Variants in TJP2 observed in about 807,000 individuals in gnomAD.
TJP2 encodes tight junction protein 2, also known as Friedreich ataxia region gene X104 (tight junction protein ZO-2).
In TJP2, 91 loss-of-function variants were observed where a neutral mutation model predicts 133.1. The ratio of observed to expected loss-of-function variants is 0.68; its 90% CI spans 0.58 to 0.81. The LOEUF (loss-of-function observed/expected upper bound fraction) is 0.81, where lower values mean the gene tolerates loss of function less well. TJP2 is among the 40% of genes least tolerant of loss of function. The pLI is 0.00. For synonymous variants in TJP2, 592 were observed against 583.4 expected, an observed-to-expected ratio of 1.01 and a Z score of -0.21; for missense variants, 1,541 against 1,565.6, an observed-to-expected ratio of 0.98 and a Z score of 0.26.
chr9:69,144,042 AC>A (rs1307442422), intron 1 of TJP2, among the ~76,000 whole-genome samples: 2 of 152,160 alleles, frequency 1.3e-5, no homozygotes, highest in Non-Finnish European at 2.9e-5. Flanking sequence ...TCTCTCTGTC[AC>A]CCAGGCTGGA....
intron 1 of TJP2, among the ~76,000 whole-genome samples, chr9:69,178,025 C>T (rs144655020): frequency 8.3e-4 from 126 of 152,182 alleles, no homozygotes; most frequent in African/African-American, 2.9e-3. Context: ...AGTGACGGCT[C>T]CATTCTGTTT....
intron 1 of TJP2, among the ~76,000 whole-genome samples, chr9:69,211,215 T>TA (rs1290268587): frequency 2.0e-5 from 3 of 152,144 alleles, no homozygotes; most frequent in African/African-American, 7.2e-5. Context: ...TGCGCACCTG[T>TA]AATCCTAGCT....
At chr9:69,232,561 C>T (rs575928194) in intron 11 of TJP2, among the ~76,000 whole-genome samples, 1 of 152,180 alleles carries the variant, frequency 6.6e-6, no homozygotes, top group Non-Finnish European at 1.5e-5. Flanking sequence ...TATACACATG[C>T]TAATCACTTT....
chr9:69,241,986 G>A (rs1191093106), intron 17 of TJP2, among the ~76,000 whole-genome samples: 1 of 152,176 alleles, frequency 6.6e-6, no homozygotes, highest in Non-Finnish European at 1.5e-5. Flanking sequence ...TTTCCCCCCT[G>A]CTTTTGTCTG....
intron 17 of TJP2, among the ~76,000 whole-genome samples, chr9:69,246,018 C>T (rs779553980): frequency 6.6e-6 from 1 of 152,088 alleles, no homozygotes; most frequent in Admixed American, 6.5e-5. Flanking sequence ...TACATCTAAA[C>T]GTGCAGGGTT....
chr9:69,224,381 G>A (rs1829158439), intron 5 of TJP2, among the ~76,000 whole-genome samples: 1 of 151,912 alleles, frequency 6.6e-6, no homozygotes, highest in African/African-American at 2.4e-5. Flanking sequence ...CATTTTATTT[G>A]AAAAGTGTTA....
intron 1 of TJP2, among the ~76,000 whole-genome samples, chr9:69,179,976 T>G (rs1825378210): frequency 1.3e-5 from 2 of 152,136 alleles, no homozygotes; most frequent in Non-Finnish European, 2.9e-5. Flanking sequence ...GACTTCAGAA[T>G]TAATTAGTGT....
intron 4 of TJP2, among the ~76,000 whole-genome samples, chr9:69,219,776 C>T (rs374791375): frequency 6.6e-5 from 10 of 152,300 alleles, no homozygotes; most frequent in African/African-American, 2.4e-4. Flanking sequence ...CCAAAGTTCA[C>T]TCATTGCATT....
chr9:69,220,902 C>G lies in TJP2; in HGVS notation c.358C>G (p.Arg120Gly). Residue 120 changes from arginine (R) to glycine (G), a missense_variant, in exon 5 of 23, where the codon CGG becomes GGG. Physicochemically the swap from Arg to Gly is moderately radical, Grantham distance 125. Transcript: ENST00000377245. ...TTGACAACAGGTGGTCAAGAGGCCC[C>G]GGAAGGTCCAGGTGGCCGCACTTCA... ...KVAAIVVKRP[R>G]KVQVAALQAS... The G allele has an allele frequency of 1.9e-6, 3 of 1,612,298 alleles. No homozygotes were observed. Among genetic ancestry groups the G allele is most frequent in the Non-Finnish European group, 2.5e-6 (3 of 1,180,028 alleles).
chr9:69,210,609 C>T (rs953868790), intron 1 of TJP2, among the ~76,000 whole-genome samples: 1 of 151,964 alleles, frequency 6.6e-6, no homozygotes, highest in African/African-American at 2.4e-5. Context: ...TGTTGATGGG[C>T]CTTCATTTAA....
In TJP2 at chr9:69,176,986, C is replaced by T. The variant is rs578253810; in HGVS notation, c.60+2554C>T. Among the ~76,000 whole-genome samples the T allele has an allele frequency of 7.9e-4, 121 of 152,214 alleles. 1 individual carries two copies. The highest frequency in any genetic ancestry group is 2.7e-3 in the African/African-American group (111 of 41,524). ...TGGGTGTGGTGGGGGCGGGGTGAAG[C>T]GGTAGAAGGGTTCGCAATCACTGCT... is the stretch of plus-strand genomic sequence containing the variant. On this transcript the variant is annotated intron_variant, in intron 1 of 22. Coordinates refer to ENST00000377245, the MANE Select transcript of TJP2 (RefSeq NM_004817.4).
intron 2 of TJP2, among the ~76,000 whole-genome samples, chr9:69,158,676 C>T (rs1823899937): frequency 6.6e-6 from 1 of 152,146 alleles, no homozygotes; most frequent in African/African-American, 2.4e-5. Flanking sequence ...CAGCCTCCAT[C>T]CCCTGGCCTC....
chr9:69,246,482 C>G (rs1428223280), intron 17 of TJP2: 1 of 584,494 alleles, frequency 1.7e-6, no homozygotes, highest in Non-Finnish European at 3.1e-6. Flanking sequence ...ATCACATCCA[C>G]CTATAATGTG....
chr9:69,151,996 G>T (rs1201403889), intron 2 of TJP2, among the ~76,000 whole-genome samples: 3 of 152,198 alleles, frequency 2.0e-5, no homozygotes, highest in East Asian at 1.9e-4. Flanking sequence ...CTTTGCCATG[G>T]TTGGTGAATG....
At chr9:69,151,098 G>C (rs1010498297) in intron 1 of TJP2, among the ~76,000 whole-genome samples, 8 of 152,248 alleles carry the variant, frequency 5.3e-5, no homozygotes, top group Admixed American at 3.9e-4. Flanking sequence ...TGGTTGCCTA[G>C]GGCCAAGAGG....
chr9:69,193,838 C>A (rs1826371891), intron 1 of TJP2, among the ~76,000 whole-genome samples: 1 of 151,818 alleles, frequency 6.6e-6, no homozygotes, highest in Admixed American at 6.6e-5. Context: ...TGCCCCCTGC[C>A]TGGATGGAGT....
At chr9:69,164,954 C>T (rs997536254) in intron 2 of TJP2, among the ~76,000 whole-genome samples, 6 of 152,056 alleles carry the variant, frequency 3.9e-5, no homozygotes, top group Admixed American at 2.6e-4. Context: ...CTCAGCTTCC[C>T]GAGTAGCTGG....
At chr9:69,169,043 C>T (rs981120952) in intron 2 of TJP2, among the ~76,000 whole-genome samples, 2 of 151,472 alleles carry the variant, frequency 1.3e-5, no homozygotes, top group Admixed American at 6.6e-5. Flanking sequence ...GGGGCGGGGA[C>T]GGGGGAGGAC....
At chr9:69,195,711 G>A (rs1044767859) in intron 1 of TJP2, among the ~76,000 whole-genome samples, 18 of 152,180 alleles carry the variant, frequency 1.2e-4, no homozygotes, top group Admixed American at 9.8e-4. Context: ...TCACAAAGGC[G>A]TAGGCATTAG....
Sources: gnomAD v4.1 joint callset for allele counts (sites outside exome capture counted in the v4.1 genomes callset) on GRCh38, gnomAD v4.1.1 for gene constraint, MANE v1.5 for transcripts, NCBI Gene and HGNC (gene_info 2026-07-23, HGNC 2026-07-21) for gene names.